The following HKDC1 variants were observed in gnomAD, a reference collection of about 807,000 sequenced individuals.
HKDC1 encodes the protein hexokinase domain containing 1.
HKDC1 carries 66 observed loss-of-function variants against 96.6 expected under a neutral mutation model. The ratio of observed to expected loss-of-function variants is 0.68; its 90% CI spans 0.56 to 0.84. The LOEUF (loss-of-function observed/expected upper bound fraction) is 0.84. Ranked by LOEUF, HKDC1 falls within the 40% of genes least tolerant of loss-of-function variation. The pLI is 0.00. For missense variants in HKDC1, 1,211 were observed against 1,208.1 expected, an observed-to-expected ratio of 1.00 and a Z score of -0.04; for synonymous variants, 466 against 473.1, an observed-to-expected ratio of 0.98 and a Z score of 0.20.
chr10:69,222,443 G>C (rs1843081365), intron 1 of HKDC1, among the ~76,000 whole-genome samples: 1 of 152,196 alleles, frequency 6.6e-6, no homozygotes, highest in Non-Finnish European at 1.5e-5. Flanking sequence ...TTTGTTATCT[G>C]CTTAGTAAAG....
intron 2 of HKDC1, among the ~76,000 whole-genome samples, chr10:69,229,526 G>A (rs894637399): frequency 1.3e-5 from 2 of 152,300 alleles, no homozygotes; most frequent in Admixed American, 1.3e-4. Context: ...CATGTGGGGA[G>A]CACCAGGGCT....
At position 69,265,019 on chromosome 10, in the gene HKDC1, G is replaced by A. The variant is rs952396173; in HGVS notation, c.2373-566G>A. Among the ~76,000 whole-genome samples, 2 of 152,180 alleles carry A rather than the reference G, an allele frequency of 1.3e-5. 1 individual carries two copies. The highest frequency in any genetic ancestry group is 4.1e-4 in the South Asian group (2 of 4,826). ...ATATTCATTTATTCACTTGCTCATTGAATATACCCTGCTGGCTACTACTGA... is the reference window on the plus strand; with the variant it reads ...ATATTCATTTATTCACTTGCTCATTAAATATACCCTGCTGGCTACTACTGA... On this transcript the variant is annotated intron_variant, in intron 16 of 17. Transcript: ENST00000354624.
Position 69,227,200 on chromosome 10 carries a change from G to A in HKDC1, c.64-7G>A, listed in dbSNP as rs756450372. On this transcript the variant is annotated splice_polypyrimidine_tract_variant and splice_region_variant and intron_variant, in intron 1 of 17. Coordinates refer to ENST00000354624, the MANE Select transcript of HKDC1 (RefSeq NM_025130.4). The stretch of plus-strand genomic sequence containing the variant: ...CAGCACCCCTTGGTGGCCGGTGTCT[G>A]TTCCAGGTGGACAGGTTCCTGTATC... 6.2e-7 allele frequency: 1 copy of A among 1,614,076 alleles called. No homozygotes were observed. Among genetic ancestry groups the A allele is most frequent in the Non-Finnish European group, 8.5e-7 (1 of 1,179,948 alleles).
chr10:69,236,780 CAAAAAAA>C (rs11294938), intron 4 of HKDC1, among the ~76,000 whole-genome samples: 5 of 133,678 alleles, frequency 3.7e-5, no homozygotes, highest in Admixed American at 7.7e-5. Context: ...AACTTCGTTT[CAAAAAAA>C]AAAAAAAATT....
At position 69,243,293 on chromosome 10, in the gene HKDC1, G is replaced by A. The variant is rs1564730823; in HGVS notation, c.803G>A (p.Gly268Glu). 6 of 1,613,702 alleles carry A rather than the reference G, an allele frequency of 3.7e-6. No individual in the cohort carries two copies. The Admixed American group carries it at 1.0e-4, about 27-fold the overall frequency. ...GAGTGGGGGGCCTTCGGGGACGACG[G>A]GGCCCTGGAGGACATTCGCACTGAG... ...NTEWGAFGDD[G>E]ALEDIRTEFD... The change falls in exon 7 of 18, where the codon GGG (glycine) becomes GAG (glutamate). Residue 268 changes from glycine (G) to glutamate (E), a missense_variant. Physicochemically the swap from Gly to Glu is moderately conservative, Grantham distance 98 (BLOSUM62 -2). Coordinates refer to ENST00000354624, the MANE Select transcript of HKDC1 (RefSeq NM_025130.4).
At chr10:69,240,853 C>T in intron 6 of HKDC1, 102 bp downstream of exon 6, 1 of 780,702 alleles carries the variant, frequency 1.3e-6, no homozygotes, top group East Asian at 2.6e-5. Context: ...GGGCACTGCA[C>T]TATTTAGGAG....
chr10:69,265,762 A>T lies in HKDC1; in HGVS notation c.2550A>T (p.Leu850=), dbSNP rs1843887740. 2.5e-6 allele frequency: 4 copies of T among 1,613,600 alleles called. No homozygotes were observed. Among genetic ancestry groups the T allele is most frequent in the Non-Finnish European group, 2.5e-6 (3 of 1,179,808 alleles). The part of the protein sequence containing the change: ...IVEKRREDQG[L]EHLRITVGVD... Reference sequence around the variant, plus strand: ...AAAAAAGGAGAGAAGACCAGGGGCTAGAGCACCTGAGGATCACTGTGGGTG... The same window carrying T: ...AAAAAAGGAGAGAAGACCAGGGGCTTGAGCACCTGAGGATCACTGTGGGTG... Residue 850 remains leucine, a synonymous_variant, in exon 17 of 18, where the codon CTA becomes CTT. Transcript: ENST00000354624.
chr10:69,258,189 T>A (rs1282013110), intron 14 of HKDC1, among the ~76,000 whole-genome samples: 1 of 152,202 alleles, frequency 6.6e-6, no homozygotes, highest in Non-Finnish European at 1.5e-5. Flanking sequence ...GGCAGGTGGC[T>A]TATTCTGTCT....
intron 2 of HKDC1, 64 bp downstream of exon 2, chr10:69,227,433 C>T (rs1379829930): frequency 7.0e-6 from 11 of 1,579,264 alleles, no homozygotes; most frequent in Non-Finnish European, 9.5e-6. Flanking sequence ...TCTAAAGTAC[C>T]TAAGGTTTGC....
intron 7 of HKDC1, among the ~76,000 whole-genome samples, chr10:69,243,635 T>C (rs1843491334): frequency 1.3e-5 from 2 of 152,180 alleles, no homozygotes; most frequent in African/African-American, 4.8e-5. Context: ...GAGTTGGGAC[T>C]ACGGGCATGG....
intron 3 of HKDC1, 26 bp downstream of exon 3, chr10:69,232,938 C>G (rs562398059): frequency 2.5e-6 from 4 of 1,611,892 alleles, no homozygotes; most frequent in Non-Finnish European, 3.4e-6. Flanking sequence ...CTCCTGTGAC[C>G]GCAGGGAAGG....
chr10:69,255,859 G>A (rs925657989), intron 12 of HKDC1, among the ~76,000 whole-genome samples: 11 of 151,660 alleles, frequency 7.3e-5, no homozygotes, highest in Non-Finnish European at 1.2e-4. Context: ...AGAGGTTGCG[G>A]TGAGTTGAGA....
At chr10:69,220,591 G>C in intron 1 of HKDC1, 93 bp downstream of exon 1, 1 of 855,224 alleles carries the variant, frequency 1.2e-6, no homozygotes, top group East Asian at 2.8e-5. Flanking sequence ...GGAGTGAAGA[G>C]AGCTTATTAG....
rs772004903 is a variant in HKDC1 at position 69,265,703 on chromosome 10, C to A, written c.2491C>A (p.Gln831Lys). 3.1e-6 allele frequency: 5 copies of A among 1,613,452 alleles called. No individual in the cohort carries two copies. In the African/African-American group the frequency reaches 5.3e-5, roughly 17 times the overall value. The change falls in exon 17 of 18, where the codon CAG becomes AAG. Residue 831 changes from glutamine (Q) to lysine (K), a missense_variant. By Grantham distance (53) the Gln-to-Lys change is moderately conservative. Coordinates refer to ENST00000354624, the MANE Select transcript of HKDC1 (RefSeq NM_025130.4). ...CGGAGCCGTGTCCCGGCGGGCGGCC[C>A]AGCTCTGCGGTGCTGGCCTGGCCGC... ...VCGAVSRRAA[Q>K]LCGAGLAAIV...
chr10:69,227,281 G>T lies in HKDC1; in HGVS notation c.138G>T (p.Glu46Asp), dbSNP rs1164805984. 6.2e-7 allele frequency: 1 copy of T among 1,614,216 alleles called. No homozygotes were observed. Among genetic ancestry groups the T allele is most frequent in the Non-Finnish European group, 8.5e-7 (1 of 1,180,042 alleles). Residue 46 changes from glutamate (E) to aspartate (D), a missense_variant, in exon 2 of 18, where the codon GAG (glutamate) becomes GAT (aspartate). Transcript: ENST00000354624. Reference protein sequence around the residue: ...LLDIMRRFRAEMEKGLAKDTN... With the variant: ...LLDIMRRFRADMEKGLAKDTN... ...ACATCATGAGGCGGTTCCGGGCTGAGATGGAGAAGGGCCTGGCAAAGGACA... is the reference window on the plus strand; with the variant it reads ...ACATCATGAGGCGGTTCCGGGCTGATATGGAGAAGGGCCTGGCAAAGGACA...
At chr10:69,228,988 G>A (rs1354686395) in intron 2 of HKDC1, among the ~76,000 whole-genome samples, 1 of 152,012 alleles carries the variant, frequency 6.6e-6, no homozygotes, top group South Asian at 2.1e-4. Context: ...CAAAGAAAAA[G>A]AAAGAAAGAA....
chr10:69,253,912 G>T (rs1363109665), intron 12 of HKDC1, among the ~76,000 whole-genome samples: 2 of 152,204 alleles, frequency 1.3e-5, no homozygotes, highest in Non-Finnish European at 2.9e-5. Flanking sequence ...GCATAAAGCA[G>T]AATACAGCTT....
chr10:69,226,301 T>C lies in HKDC1; in HGVS notation c.64-906T>C, dbSNP rs111287418. On this transcript the variant is annotated intron_variant, in intron 1 of 17. Coordinates refer to ENST00000354624, the MANE Select transcript of HKDC1 (RefSeq NM_025130.4). ...ACTCATTTTCAATAGCAATCTGAGCTGACTTTAAAAATTCAGCTTTGTCTT... is the reference window on the plus strand; with the variant it reads ...ACTCATTTTCAATAGCAATCTGAGCCGACTTTAAAAATTCAGCTTTGTCTT... Among the ~76,000 whole-genome samples the C allele has an allele frequency of 4.7e-4, 72 of 152,320 alleles. 1 individual carries two copies. Among genetic ancestry groups the C allele is most frequent in the African/African-American group, 1.7e-3 (70 of 41,582 alleles).
At chr10:69,253,510 A>G (rs767281174) in intron 12 of HKDC1, among the ~76,000 whole-genome samples, 2 of 152,160 alleles carry the variant, frequency 1.3e-5, no homozygotes, top group Non-Finnish European at 2.9e-5. Flanking sequence ...ACCTGTCTCT[A>G]CTGTTTCCCA....
Sources: allele counts gnomAD v4.1 joint callset (sites outside exome capture counted in the v4.1 genomes callset), GRCh38; gene constraint gnomAD v4.1.1; transcripts MANE v1.5; gene names NCBI Gene and HGNC (gene_info 2026-07-23, HGNC 2026-07-21).